The following CRPPA variants were observed in gnomAD, a reference collection of about 807,000 sequenced individuals.
CRPPA encodes CDP-L-ribitol pyrophosphorylase A, also known as D-ribitol-5-phosphate cytidylyltransferase.
CRPPA carries 43 observed loss-of-function variants against 52.0 expected under a neutral mutation model. That is an observed-to-expected ratio of 0.83 (90% confidence interval 0.65 to 1.07). CRPPA has a LOEUF of 1.07. Ranked by LOEUF, CRPPA falls within the 50% of genes least tolerant of loss-of-function variation. The pLI is 0.00. For synonymous variants in CRPPA, 250 were observed against 203.5 expected (o/e 1.23, Z -1.94); for missense variants, 629 against 551.7 (o/e 1.14, Z -1.40).
At chr7:16,363,854 T>G (rs1483843390) in intron 3 of CRPPA, among the ~76,000 whole-genome samples, 3 of 151,882 alleles carry the variant, frequency 2.0e-5, no homozygotes, top group Non-Finnish European at 4.4e-5. Context: ...AACACCAGAG[T>G]TCAATAAATT....
chr7:16,132,864 A>C (rs1433778558), intron 9 of CRPPA, among the ~76,000 whole-genome samples: 1 of 124,608 alleles, frequency 8.0e-6, no homozygotes, highest in Non-Finnish European at 1.8e-5. Context: ...TATTGTAAAA[A>C]GTTAATATTT....
chr7:16,224,182 T>G (rs536577397), intron 8 of CRPPA, among the ~76,000 whole-genome samples: 144 of 152,312 alleles, frequency 9.5e-4, no homozygotes, highest in Non-Finnish European at 1.6e-3. Flanking sequence ...GTGCATTTTG[T>G]GTCTTTACAC....
At chr7:16,167,069 C>A (rs943256695) in intron 9 of CRPPA, among the ~76,000 whole-genome samples, 9 of 152,040 alleles carry the variant, frequency 5.9e-5, no homozygotes, top group African/African-American at 2.2e-4. Flanking sequence ...GCTGGGACTA[C>A]AGGGGCCTGC....
At chr7:16,326,894 T>C (rs191588975) in intron 3 of CRPPA, among the ~76,000 whole-genome samples, 2 of 141,224 alleles carry the variant, frequency 1.4e-5, no homozygotes, top group East Asian at 4.1e-4. Context: ...CTAAATACTA[T>C]CAAATCACAA....
chr7:16,170,134 G>A (rs182866732), intron 9 of CRPPA, among the ~76,000 whole-genome samples: 2 of 152,266 alleles, frequency 1.3e-5, no homozygotes, highest in East Asian at 3.9e-4. Flanking sequence ...AAAGTAGGAT[G>A]TGATTTTTTT....
intron 2 of CRPPA, among the ~76,000 whole-genome samples, chr7:16,382,954 G>A (rs971734252): frequency 1.1e-4 from 16 of 152,228 alleles, no homozygotes; most frequent in African/African-American, 1.9e-4. Context: ...CCTGTACCTC[G>A]GAGTAGTTTG....
At chr7:16,189,552 A>G (rs779228927) in intron 9 of CRPPA, among the ~76,000 whole-genome samples, 3 of 152,198 alleles carry the variant, frequency 2.0e-5, no homozygotes, top group South Asian at 4.1e-4. Context: ...AACAAAGCCA[A>G]AGGCTAAGTC....
chr7:16,151,477 C>T (rs1161633934), intron 9 of CRPPA, among the ~76,000 whole-genome samples: 6 of 151,966 alleles, frequency 3.9e-5, no homozygotes, highest in Non-Finnish European at 4.4e-5. Flanking sequence ...TACTATGTTG[C>T]CTGTTCCTTG....
chr7:16,246,020 G>A lies in CRPPA; in HGVS notation c.1119+12370C>T, dbSNP rs570679848. ...TTAAAATAAGACAACAACATAGTTC[G>A]CTGCCTAGAGTGATCCTTCTTTTCA... On this transcript the variant is annotated intron_variant, in intron 8 of 9. Transcript: ENST00000407010. Among the ~76,000 whole-genome samples the A allele has an allele frequency of 3.4e-4, 52 of 152,032 alleles. No individual in the cohort carries two copies. In the South Asian group the frequency reaches 4.2e-3, roughly 12 times the overall value.
intron 9 of CRPPA, among the ~76,000 whole-genome samples, chr7:16,206,888 T>C (rs541083599): frequency 2.0e-5 from 3 of 152,250 alleles, no homozygotes; most frequent in South Asian, 4.1e-4. Context: ...TCACTTTCCA[T>C]TCAGTAAGAG....
At chr7:16,270,266 C>T (rs1341886708) in intron 6 of CRPPA, 1 of 152,046 alleles carries the variant, frequency 6.6e-6, no homozygotes. Flanking sequence ...ACCATTTTTA[C>T]AGATTAACCA....
chr7:16,299,003 G>A (rs1008304305), intron 5 of CRPPA, among the ~76,000 whole-genome samples: 6 of 152,160 alleles, frequency 3.9e-5, no homozygotes, highest in African/African-American at 1.4e-4. Flanking sequence ...CTGGCAGATC[G>A]TGGGACTTAG....
At chr7:16,225,223 A>G (rs1314119380) in intron 8 of CRPPA, among the ~76,000 whole-genome samples, 3 of 152,040 alleles carry the variant, frequency 2.0e-5, no homozygotes, top group African/African-American at 7.2e-5. Context: ...GATCAAAGTA[A>G]TGAAACCAGA....
chr7:16,126,577 A>C (rs1164892932), intron 9 of CRPPA, among the ~76,000 whole-genome samples: 1 of 152,250 alleles, frequency 6.6e-6, no homozygotes, highest in Non-Finnish European at 1.5e-5. Flanking sequence ...GTCCATATCC[A>C]AATGAGAATT....
At chr7:16,344,176 G>C (rs926203687) in intron 3 of CRPPA, among the ~76,000 whole-genome samples, 2 of 152,052 alleles carry the variant, frequency 1.3e-5, no homozygotes, top group Admixed American at 6.5e-5. Flanking sequence ...AAAAACCCAA[G>C]AGGTATGTAA....
At chr7:16,104,756 C>A (rs1004935019) in intron 9 of CRPPA, among the ~76,000 whole-genome samples, 5 of 151,980 alleles carry the variant, frequency 3.3e-5, no homozygotes, top group African/African-American at 1.2e-4. Flanking sequence ...AACAATTAGC[C>A]AGGCATGGTG....
intron 3 of CRPPA, among the ~76,000 whole-genome samples, chr7:16,367,946 T>C (rs1786647738): frequency 6.6e-6 from 1 of 152,190 alleles, no homozygotes; most frequent in Non-Finnish European, 1.5e-5. Context: ...AGACTGATTC[T>C]GTCACTGGCT....
chr7:16,312,466 A>G (rs1437041975), intron 3 of CRPPA, among the ~76,000 whole-genome samples: 2 of 152,004 alleles, frequency 1.3e-5, no homozygotes, highest in East Asian at 3.9e-4. Flanking sequence ...GTAGCCTGCA[A>G]CTTTTCTAAT....
chr7:16,413,828 A>T (rs1788126346), intron 1 of CRPPA, among the ~76,000 whole-genome samples: 1 of 152,214 alleles, frequency 6.6e-6, no homozygotes, highest in Non-Finnish European at 1.5e-5. Flanking sequence ...CCCAATCTCA[A>T]TCTGAAGATT....
Sources: allele counts gnomAD v4.1 joint callset (sites outside exome capture counted in the v4.1 genomes callset), GRCh38; gene constraint gnomAD v4.1.1; transcripts MANE v1.5; gene names NCBI Gene and HGNC (gene_info 2026-07-23, HGNC 2026-07-21).